SAA1: variants seen among roughly 807,000 people sequenced by gnomAD.
The protein encoded by SAA1 is serum amyloid A-1 protein.
In SAA1, 4 loss-of-function variants were observed where a neutral mutation model predicts 9.8. The ratio of observed to expected loss-of-function variants is 0.41; its 90% CI spans 0.20 to 0.93. The LOEUF is 0.93. Ranked by LOEUF, SAA1 falls within the 40% of genes least tolerant of loss-of-function variation. The pLI is 0.33. For missense variants in SAA1, 114 were observed against 155.5 expected, an observed-to-expected ratio of 0.73 and a Z score of 1.42; for synonymous variants, 47 against 57.7, an observed-to-expected ratio of 0.82 and a Z score of 0.84.
Position 18,269,185 on chromosome 11 carries a change from T to G in SAA1, c.92-10T>G, listed in dbSNP as rs370037258. The G allele has an allele frequency of 1.3e-6, 2 of 1,581,134 alleles. No homozygotes were observed. The highest frequency in any genetic ancestry group is 2.7e-5 in the African/African-American group (2 of 72,746). ...CCTGATGTCCCTTCTGCCTTTCCTTTCCTTTCCAGGGGCTCGGGACATGTG... is the reference window on the plus strand; with the variant it reads ...CCTGATGTCCCTTCTGCCTTTCCTTGCCTTTCCAGGGGCTCGGGACATGTG... On this transcript the variant is annotated splice_polypyrimidine_tract_variant and intron_variant, in intron 2 of 3. Coordinates refer to ENST00000356524, the MANE Select transcript of SAA1 (RefSeq NM_199161.5).
intron 2 of SAA1, among the ~76,000 whole-genome samples, chr11:18,268,216 C>T (rs538097637): frequency 0.022 from 3,309 of 150,386 alleles, 47 homozygotes; most frequent in South Asian, 0.056. Flanking sequence ...ACTAAAAATA[C>T]TAAAATGTAG....
intron 2 of SAA1, 150 bp from the exon 3 acceptor site, chr11:18,269,045 C>A: frequency 1.5e-6 from 1 of 653,000 alleles, no homozygotes. Context: ...AAGGAATGTG[C>A]TTCTCAACCC....
intron 2 of SAA1, among the ~76,000 whole-genome samples, chr11:18,267,528 A>G (rs1269712999): frequency 8.1e-6 from 1 of 124,212 alleles, no homozygotes; most frequent in Non-Finnish European, 1.8e-5. Flanking sequence ...ATCGCATAGG[A>G]GTATGACTAA....
chr11:18,269,573 G>A (rs1439796218), intron 3 of SAA1, 144 bp from the exon 4 acceptor site: 4 of 1,402,276 alleles, frequency 2.9e-6, no homozygotes, highest in Non-Finnish European at 3.9e-6. Flanking sequence ...GGCTGAATGG[G>A]GTGGTGCCCA....
chr11:18,266,610 G>T lies in SAA1; in HGVS notation c.-4-274G>T, dbSNP rs1858037592. The T allele has an allele frequency of 6.2e-6, 3 of 480,632 alleles. No homozygotes were observed. In the South Asian group the frequency reaches 6.8e-5, roughly 11 times the overall value. The allele number at this position is 480,632 out of a possible 1,614,324, so 29.8% of individuals were successfully genotyped here. On this transcript the variant is annotated intron_variant, in intron 1 of 3. Coordinates refer to ENST00000356524, the MANE Select transcript of SAA1 (RefSeq NM_199161.5). ...GGTAAATGCGTTATGGGGAATTATAGGCTACTTGAGGGAGTGACAGTCTGG... is the reference window on the plus strand; with the variant it reads ...GGTAAATGCGTTATGGGGAATTATATGCTACTTGAGGGAGTGACAGTCTGG...
intron 1 of SAA1, 29 bp from the exon 2 acceptor site, chr11:18,266,855 C>T (rs371344157): frequency 7.2e-5 from 113 of 1,578,292 alleles, no homozygotes; most frequent in Middle Eastern, 6.7e-4. Context: ...GTCTTGTGGG[C>T]GACTGCCTGA....
Position 18,269,139 on chromosome 11 carries a change from T to G in SAA1, c.92-56T>G, listed in dbSNP as rs142331700. 9,748 of 1,602,548 alleles carry G rather than the reference T, an allele frequency of 6.1e-3. 104 individuals are homozygous for G. In the African/African-American group the frequency reaches 0.075, roughly 12 times the overall value. On this transcript the variant is annotated intron_variant, in intron 2 of 3. Coordinates refer to ENST00000356524, the MANE Select transcript of SAA1 (RefSeq NM_199161.5). ...TCCTTCCTCATTCCCCTCTAAGGTG[T>G]TGTTGGAGTCTTTATGTTCTCCTGA...
intron 3 of SAA1, 68 bp from the exon 4 acceptor site, chr11:18,269,649 G>C: frequency 6.3e-7 from 1 of 1,584,586 alleles, no homozygotes; most frequent in Non-Finnish European, 8.6e-7. Flanking sequence ...GGAACAGGGA[G>C]AATGGGAGGG....
rs547627072 is a variant in SAA1 at position 18,269,878 on chromosome 11, A to G, written c.*23A>G. On this transcript the variant is annotated 3_prime_UTR_variant, in exon 4 of 4. Transcript: ENST00000356524. ...TGAGCTTCCTCTTCACTCTGCTCTCAGGAGATCTGGCTGTGAGGCCCTCAG... is the reference window on the plus strand; with the variant it reads ...TGAGCTTCCTCTTCACTCTGCTCTCGGGAGATCTGGCTGTGAGGCCCTCAG... The G allele has an allele frequency of 1.2e-6, 2 of 1,613,126 alleles. No homozygotes were observed. The highest frequency in any genetic ancestry group is 1.7e-5 in the Admixed American group (1 of 60,002).
chr11:18,268,170 G>A (rs548247394), intron 2 of SAA1, among the ~76,000 whole-genome samples: 14 of 151,616 alleles, frequency 9.2e-5, no homozygotes, highest in South Asian at 6.3e-4. Context: ...CATGAGTTCC[G>A]GAGCAGCCTG....
intron 3 of SAA1, 27 bp downstream of exon 3, chr11:18,269,360 G>C: frequency 5.5e-6 from 8 of 1,454,830 alleles, no homozygotes; most frequent in South Asian, 2.9e-5. Context: ...GGACGTTAGG[G>C]CTGGGTGAGC....
intron 2 of SAA1, among the ~76,000 whole-genome samples, chr11:18,268,702 G>A (rs1231691806): frequency 3.3e-5 from 5 of 151,854 alleles, no homozygotes; most frequent in Admixed American, 6.6e-5. Context: ...GCGTGATGGC[G>A]CATGCCTGTA....
chr11:18,269,103 T>C, intron 2 of SAA1, 92 bp from the exon 3 acceptor site: 3 of 1,601,844 alleles, frequency 1.9e-6, no homozygotes, highest in Non-Finnish European at 8.5e-7. Flanking sequence ...TTGAAGTCAG[T>C]GGAAGATTTG....
At chr11:18,266,668 G>A (rs1716888) in intron 1 of SAA1, among the ~76,000 whole-genome samples, 47 of 151,626 alleles carry the variant, frequency 3.1e-4, no homozygotes, top group African/African-American at 8.8e-4. Flanking sequence ...TCAGTGCCAC[G>A]TTGGCATCCT....
chr11:18,268,153 T>C, intron 2 of SAA1, among the ~76,000 whole-genome samples: 1 of 150,882 alleles, frequency 6.6e-6, no homozygotes, highest in Non-Finnish European at 1.5e-5. Context: ...GATGAATCAC[T>C]TGAGGTCATG....
chr11:18,268,831 TAAAAAAAAAAAAAAAAAAA>T (rs371021832), intron 2 of SAA1, among the ~76,000 whole-genome samples: 67,920 of 111,862 alleles, frequency 0.61, 16,333 homozygotes, highest in Non-Finnish European at 0.64. Flanking sequence ...AGACTCTGTC[TAAAAAAAAAAAAAAAAAAA>T]AAAAAAAAAA....
chr11:18,268,150 C>T (rs530048731), intron 2 of SAA1, among the ~76,000 whole-genome samples: 38 of 151,718 alleles, frequency 2.5e-4, no homozygotes, highest in African/African-American at 9.0e-4. Context: ...GTGGATGAAT[C>T]ACTTGAGGTC....
Position 18,267,969 on chromosome 11 carries a change from C to A in SAA1, c.91+991C>A, listed in dbSNP as rs1343217910. 2.6e-5 allele frequency among the ~76,000 whole-genome samples: 4 copies of A among 151,858 alleles called. No homozygotes were observed. In the East Asian group the frequency reaches 5.8e-4, roughly 22 times the overall value. ...CCTAGAGGTTGATGGTTATGAATCT[C>A]AGGCACACCTTGGCATCACCTGAAA... On this transcript the variant is annotated intron_variant, in intron 2 of 3. Coordinates refer to ENST00000356524, the MANE Select transcript of SAA1 (RefSeq NM_199161.5).
intron 2 of SAA1, among the ~76,000 whole-genome samples, chr11:18,268,402 C>CAG (rs1295255529): frequency 1.3e-5 from 2 of 152,076 alleles, no homozygotes; most frequent in African/African-American, 4.8e-5. Flanking sequence ...GCAGCCAAGG[C>CAG]AGAGCACCAC....
Sources: gnomAD v4.1 joint callset for allele counts (sites outside exome capture counted in the v4.1 genomes callset) on GRCh38, gnomAD v4.1.1 for gene constraint, MANE v1.5 for transcripts, NCBI Gene and HGNC (gene_info 2026-07-23, HGNC 2026-07-21) for gene names.